The following RAMP1 variants were observed in gnomAD, a reference collection of about 807,000 sequenced individuals.
RAMP1 encodes the protein receptor activity-modifying protein 1.
Under a neutral mutation model 8.2 loss-of-function variants are expected in RAMP1, and 7 were observed. That is an observed-to-expected ratio of 0.85 (90% CI 0.49 to 1.60). The LOEUF is 1.60. Ranked by LOEUF, RAMP1 falls within the 40% of genes most tolerant of loss-of-function variation. RAMP1 has a pLI of 0.00. For missense variants in RAMP1, 192 were observed against 202.4 expected, an observed-to-expected ratio of 0.95 and a Z score of 0.31; for synonymous variants, 92 against 84.7, an observed-to-expected ratio of 1.09 and a Z score of -0.47.
chr2:237,899,776 T>A (rs1178309277), intron 2 of RAMP1, among the ~76,000 whole-genome samples: 1 of 152,244 alleles, frequency 6.6e-6, no homozygotes, highest in East Asian at 1.9e-4. Context: ...CACATCTTTT[T>A]CTTTCACTTT....
chr2:237,900,008 G>A (rs1301334286), intron 2 of RAMP1, among the ~76,000 whole-genome samples: 4 of 152,070 alleles, frequency 2.6e-5, no homozygotes, highest in African/African-American at 7.2e-5. Flanking sequence ...TTTTCTTCTT[G>A]GAATTCCTCC....
At chr2:237,870,622 G>T (rs2062235724) in intron 1 of RAMP1, among the ~76,000 whole-genome samples, 1 of 152,196 alleles carries the variant, frequency 6.6e-6, no homozygotes, top group Non-Finnish European at 1.5e-5. Flanking sequence ...AAAAAATGAG[G>T]ATTTCTTGGC....
Position 237,859,822 on chromosome 2 carries a change from G to T in RAMP1, c.52+95G>T, listed in dbSNP as rs562235177. On this transcript the variant is annotated intron_variant, in intron 1 of 2. Transcript: ENST00000254661. ...GGGGAGCGGGTGGGAGCGGGTGGGA[G>T]CGGGTGGGGGCGGGCGCCGCGGGCG... is the stretch of plus-strand genomic sequence containing the variant. 27 of 1,132,078 alleles carry T rather than the reference G, an allele frequency of 2.4e-5. No individual in the cohort carries two copies. The African/African-American group carries it at 3.1e-4, about 13-fold the overall frequency. 70.1% of individuals were successfully genotyped at this position (1,132,078 alleles called of 1,614,324 possible).
chr2:237,896,755 C>T (rs557641985), intron 2 of RAMP1, among the ~76,000 whole-genome samples: 171 of 152,356 alleles, frequency 1.1e-3, no homozygotes, highest in Middle Eastern at 0.01. Flanking sequence ...AAGCAACCCT[C>T]TTGACTCAGC....
chr2:237,897,964 A>G (rs2062560069), intron 2 of RAMP1, among the ~76,000 whole-genome samples: 1 of 151,894 alleles, frequency 6.6e-6, no homozygotes, highest in Admixed American at 6.6e-5. Flanking sequence ...ACGCCCAGCT[A>G]ATTTTTGTAT....
rs191995854 is a variant in RAMP1 at position 237,888,457 on chromosome 2, G to A, written c.191+11095G>A. Among the ~76,000 whole-genome samples, 202 of 152,232 alleles carry A rather than the reference G, an allele frequency of 1.3e-3. 1 individual carries two copies. Among genetic ancestry groups the A allele is most frequent in the African/African-American group, 4.5e-3 (185 of 41,490 alleles). On this transcript the variant is annotated intron_variant, in intron 2 of 2. Transcript: ENST00000254661. ...AAAATGCCTAGTTCCTCATAGGCTC[G>A]TGAGTATTGAGTTTGTAGGGATTTT...
At chr2:237,883,806 G>A (rs1171079388) in intron 2 of RAMP1, among the ~76,000 whole-genome samples, 4 of 112,580 alleles carry the variant, frequency 3.6e-5, no homozygotes, top group Admixed American at 2.3e-4. Flanking sequence ...GATAGAACCA[G>A]ACCCTACCTC....
chr2:237,904,163 C>G (rs1324807811), intron 2 of RAMP1, among the ~76,000 whole-genome samples: 1 of 152,064 alleles, frequency 6.6e-6, no homozygotes, highest in Non-Finnish European at 1.5e-5. Context: ...CCTGTAATCC[C>G]AGCACTTTGG....
At chr2:237,907,526 T>C (rs1003828278) in intron 2 of RAMP1, among the ~76,000 whole-genome samples, 3 of 149,936 alleles carry the variant, frequency 2.0e-5, no homozygotes, top group Admixed American at 1.4e-4. Context: ...TTTCTCTTTG[T>C]GTTCCAGTTT....
chr2:237,879,236 G>A (rs1217658077), intron 2 of RAMP1, among the ~76,000 whole-genome samples: 1 of 152,130 alleles, frequency 6.6e-6, no homozygotes, highest in Non-Finnish European at 1.5e-5. Flanking sequence ...TGGAAGTGAT[G>A]GTTAATTTGT....
chr2:237,871,216 GGA>G (rs2062241432), intron 1 of RAMP1, among the ~76,000 whole-genome samples: 1 of 152,204 alleles, frequency 6.6e-6, no homozygotes, highest in African/African-American at 2.4e-5. Flanking sequence ...GCCAGAGAAA[GGA>G]GAGCACCTTG....
At chr2:237,874,514 G>A (rs75293125) in intron 1 of RAMP1, 31,695 of 303,664 alleles carry the variant, frequency 0.1, 1,857 homozygotes, top group Middle Eastern at 0.2. Context: ...TTTCTGTTGC[G>A]TGCAGCCAAG....
chr2:237,901,716 G>T (rs566126517), intron 2 of RAMP1, among the ~76,000 whole-genome samples: 1 of 152,140 alleles, frequency 6.6e-6, no homozygotes, highest in Non-Finnish European at 1.5e-5. Flanking sequence ...CTTGGGCAGC[G>T]GCCAGGGTGT....
Position 237,911,546 on chromosome 2 carries a change from C to T in RAMP1, c.210C>T (p.Ala70=), listed in dbSNP as rs751202126. The change falls in exon 3 of 3, where the codon GCC becomes GCT. Residue 70 remains alanine, a synonymous_variant. Transcript: ENST00000254661. ...TCCGCAGGAGCTACAGGGAGCTGGC[C>T]GACTGCACCTGGCACATGGCGGAGA... is the stretch of plus-strand genomic sequence containing the variant. ...GRTIRSYREL[A]DCTWHMAEKL... The T allele has an allele frequency of 1.9e-5, 30 of 1,613,990 alleles. No individual in the cohort carries two copies. In the South Asian group the frequency reaches 2.5e-4, roughly 14 times the overall value.
intron 1 of RAMP1, among the ~76,000 whole-genome samples, chr2:237,870,912 G>A (rs1390517481): frequency 1.3e-5 from 2 of 152,240 alleles, no homozygotes; most frequent in Non-Finnish European, 2.9e-5. Flanking sequence ...CACAAAGCAG[G>A]CACTTCGTGG....
chr2:237,879,624 A>G (rs1453915761), intron 2 of RAMP1, among the ~76,000 whole-genome samples: 2 of 130,994 alleles, frequency 1.5e-5, no homozygotes, highest in Non-Finnish European at 3.2e-5. Flanking sequence ...GCACACCAAT[A>G]TGGCACATGT....
At chr2:237,859,264 C>T (rs534236571), upstream of RAMP1, 2 of 152,402 alleles carry the variant, frequency 1.3e-5, no homozygotes, top group African/African-American at 4.8e-5. Flanking sequence ...GCAAGGCAAA[C>T]ACCAGGCAGG....
Position 237,878,164 on chromosome 2 carries a change from C to T in RAMP1, c.191+802C>T. On this transcript the variant is annotated intron_variant, in intron 2 of 2. Transcript: ENST00000254661. This position sits in a 1 kb window ranked among gnomAD's most constrained non-coding sequence, Gnocchi z 5.7. ...GAGCTGAAGGCCACCGCCTCCCTGC[C>T]ATGCAAACTTCGCACAGAGATCTGT... 2.0e-6 allele frequency: 2 copies of T among 985,434 alleles called. No homozygotes were observed. The highest frequency in any genetic ancestry group is 2.4e-6 in the Non-Finnish European group (2 of 829,900). 61.0% of individuals were successfully genotyped at this position (985,434 alleles called of 1,614,324 possible).
upstream of RAMP1, chr2:237,859,529 A>T: frequency 3.1e-6 from 1 of 324,728 alleles, no homozygotes; most frequent in Non-Finnish European, 4.4e-6. Context: ...GGGGAGCCGC[A>T]GTGGGCCGGG....
Sources: allele counts gnomAD v4.1 joint callset (sites outside exome capture counted in the v4.1 genomes callset), GRCh38; gene constraint gnomAD v4.1.1; non-coding constraint Gnocchi (gnomAD v3.1); transcripts MANE v1.5; gene names NCBI Gene and HGNC (gene_info 2026-07-23, HGNC 2026-07-21).